The following NETO2 variants were observed in gnomAD, a reference collection of about 807,000 sequenced individuals.
The protein encoded by NETO2 is neuropilin and tolloid like 2.
In NETO2, 28 loss-of-function variants were observed where a neutral mutation model predicts 62.5. The ratio of observed to expected loss-of-function variants is 0.45; its 90% CI spans 0.33 to 0.61. NETO2 has a LOEUF of 0.61. NETO2 is among the 20% of genes least tolerant of loss of function. The probability of loss-of-function intolerance (pLI) is 0.02; values close to 1 mark genes in which losing one functional copy is unlikely to be tolerated. For synonymous variants in NETO2, 214 were observed against 219.1 expected (o/e 0.98, Z 0.21); for missense variants, 548 against 643.2 (o/e 0.85, Z 1.60).
At chr16:47,113,195 T>A (rs1963838475) in intron 6 of NETO2, among the ~76,000 whole-genome samples, 1 of 152,226 alleles carries the variant, frequency 6.6e-6, no homozygotes, top group South Asian at 2.1e-4. Context: ...TGTACCAATT[T>A]ATATACATTT....
Position 47,080,912 on chromosome 16 carries a change from CA to C in NETO2, c.*2308del, listed in dbSNP as rs541550007. The C allele has an allele frequency of 6.6e-6, 1 of 152,014 alleles. No homozygotes were observed. Among genetic ancestry groups the C allele is most frequent in the Non-Finnish European group, 1.5e-5 (1 of 67,950 alleles). 9.4% of individuals were successfully genotyped at this position (152,014 alleles called of 1,614,324 possible). On this transcript the variant is annotated 3_prime_UTR_variant, in exon 9 of 9. Coordinates refer to ENST00000562435, the MANE Select transcript of NETO2 (RefSeq NM_018092.5). ...ACATAAGTTTTTTTACTGTGAAAAGCAAAAAGTGTTTTAGCAGCCAGAAAAT... is the reference window on the plus strand; with the variant it reads ...ACATAAGTTTTTTTACTGTGAAAAGCAAAAGTGTTTTAGCAGCCAGAAAAT...
intron 6 of NETO2, among the ~76,000 whole-genome samples, chr16:47,118,965 T>G (rs1026398640): frequency 2.0e-5 from 3 of 152,160 alleles, no homozygotes; most frequent in Admixed American, 6.5e-5. Context: ...CTTTTATATC[T>G]CTTTTAATCT....
intron 1 of NETO2, among the ~76,000 whole-genome samples, chr16:47,140,327 T>C (rs1964436743): frequency 6.6e-6 from 1 of 152,212 alleles, no homozygotes; most frequent in Non-Finnish European, 1.5e-5. Flanking sequence ...TTTCTAAGTA[T>C]AAATAATTAT....
intron 2 of NETO2, among the ~76,000 whole-genome samples, chr16:47,131,131 T>G (rs1964259241): frequency 6.6e-6 from 1 of 151,550 alleles, no homozygotes; most frequent in Non-Finnish European, 1.5e-5. Context: ...TGACTTAATG[T>G]AAATCCTGAA....
chr16:47,112,938 G>A (rs761753954), intron 6 of NETO2, among the ~76,000 whole-genome samples: 21 of 152,076 alleles, frequency 1.4e-4, no homozygotes, highest in Non-Finnish European at 2.8e-4. Flanking sequence ...ATGTTGTATT[G>A]TTCCATATAT....
At chr16:47,092,898 C>A (rs994621256) in intron 7 of NETO2, among the ~76,000 whole-genome samples, 1 of 152,164 alleles carries the variant, frequency 6.6e-6, no homozygotes, top group African/African-American at 2.4e-5. Flanking sequence ...TTCAGTCAGA[C>A]TCAAAATTGT....
chr16:47,130,457 T>TA (rs994445083), intron 2 of NETO2, among the ~76,000 whole-genome samples: 17 of 146,760 alleles, frequency 1.2e-4, no homozygotes, highest in Admixed American at 2.0e-4. Flanking sequence ...AATAAATAAA[T>TA]AATAATAATA....
At chr16:47,108,386 A>C (rs1963717655) in intron 7 of NETO2, among the ~76,000 whole-genome samples, 1 of 152,184 alleles carries the variant, frequency 6.6e-6, no homozygotes, top group East Asian at 1.9e-4. Context: ...TTAGTGAAGA[A>C]AACTGGCAGA....
chr16:47,096,907 G>T (rs1963437868), intron 7 of NETO2, among the ~76,000 whole-genome samples: 1 of 152,138 alleles, frequency 6.6e-6, no homozygotes, highest in South Asian at 2.1e-4. Context: ...CAGGGTGGAG[G>T]GTCACCTCAC....
chr16:47,139,073 T>C (rs1964414998), intron 1 of NETO2, among the ~76,000 whole-genome samples: 1 of 152,216 alleles, frequency 6.6e-6, no homozygotes, highest in African/African-American at 2.4e-5. Flanking sequence ...TGAGTCTTGT[T>C]GGTTGTCTGT....
chr16:47,090,485 TAGTGCC>T (rs1340881428), intron 7 of NETO2, among the ~76,000 whole-genome samples: 9 of 152,126 alleles, frequency 5.9e-5, no homozygotes, highest in Non-Finnish European at 1.3e-4. Flanking sequence ...ACAGCAAAAA[TAGTGCC>T]AGTTATGAAC....
At chr16:47,095,827 GA>G (rs1963416652) in intron 7 of NETO2, among the ~76,000 whole-genome samples, 1 of 152,042 alleles carries the variant, frequency 6.6e-6, no homozygotes, top group South Asian at 2.1e-4. Flanking sequence ...AACATATACA[GA>G]AAATTCCACC....
At position 47,078,226 on chromosome 16, in the gene NETO2, C is replaced by T. The variant is rs1270268600; in HGVS notation, c.*4995G>A. The T allele has an allele frequency of 3.3e-5, 5 of 152,180 alleles. No individual in the cohort carries two copies. In the East Asian group the frequency reaches 7.7e-4, roughly 23 times the overall value. 9.4% of individuals were successfully genotyped at this position (152,180 alleles called of 1,614,324 possible). A position where few individuals can be genotyped will look rare whatever the true frequency, so the allele number is the denominator to read the frequency against. On this transcript the variant is annotated 3_prime_UTR_variant, in exon 9 of 9. Transcript: ENST00000562435. ...AGTGGATAGGAAATGCCAACTTTGCCCCGGAAGGAAATACAGATTCTGTTG... is the reference window on the plus strand; with the variant it reads ...AGTGGATAGGAAATGCCAACTTTGCTCCGGAAGGAAATACAGATTCTGTTG...
intron 8 of NETO2, among the ~76,000 whole-genome samples, chr16:47,084,030 G>A (rs918468569): frequency 6.6e-6 from 1 of 152,174 alleles, no homozygotes; most frequent in Non-Finnish European, 1.5e-5. Context: ...TTCTTGGTCC[G>A]TTTCTTCAGA....
chr16:47,132,016 A>T lies in NETO2; in HGVS notation c.44T>A (p.Ile15Lys). The change falls in exon 2 of 9, where the codon ATA (isoleucine) becomes AAA (lysine). Residue 15 changes from isoleucine to lysine, a missense_variant. Coordinates refer to ENST00000562435, the MANE Select transcript of NETO2 (RefSeq NM_018092.5). The part of the protein sequence containing the change: ...RLCSVLKVLL[I>K]TVLVVEGIAV... ...AATCCCTTCCACTACCAGTACTGTT[A>T]TTAACAACACTAGAGAAATAACAGA... is the stretch of plus-strand genomic sequence containing the variant. The T allele has an allele frequency of 6.2e-7, 1 of 1,611,932 alleles. No individual in the cohort carries two copies. Among genetic ancestry groups the T allele is most frequent in the South Asian group, 1.1e-5 (1 of 90,982 alleles).
chr16:47,111,646 T>C (rs1963803894), intron 6 of NETO2, among the ~76,000 whole-genome samples: 1 of 152,190 alleles, frequency 6.6e-6, no homozygotes, highest in African/African-American at 2.4e-5. Flanking sequence ...GCAAGTTACC[T>C]GGATGGTGGG....
Position 47,131,987 on chromosome 16 carries a change from C to T in NETO2, c.73G>A (p.Val25Met), listed in dbSNP as rs766128670. ...ACTTTACCTTGGGTTTTTTGGGCCA[C>T]GGCAATCCCTTCCACTACCAGTACT... ...ITVLVVEGIAVAQKTQDGQNI... is the reference protein window; with the variant it reads ...ITVLVVEGIAMAQKTQDGQNI... Residue 25 changes from valine to methionine, a missense_variant, in exon 2 of 9, where the codon GTG (valine) becomes ATG (methionine). Transcript: ENST00000562435. 5.6e-6 allele frequency: 9 copies of T among 1,612,328 alleles called. No individual in the cohort carries two copies. The highest frequency in any genetic ancestry group is 1.6e-4 in the Middle Eastern group (1 of 6,072).
chr16:47,128,656 A>T (rs1964205772), intron 3 of NETO2, 83 bp from the exon 4 acceptor site: 1 of 1,464,562 alleles, frequency 6.8e-7, no homozygotes, highest in South Asian at 1.3e-5. Context: ...AAAGCAGAAT[A>T]ACTGTTCTGC....
At chr16:47,088,105 T>C (rs551275191) in intron 7 of NETO2, among the ~76,000 whole-genome samples, 5 of 152,268 alleles carry the variant, frequency 3.3e-5, no homozygotes, top group African/African-American at 1.2e-4. Context: ...CTTAGCAATT[T>C]TTTTTTCTTT....
Sources: gnomAD v4.1 joint callset for allele counts (sites outside exome capture counted in the v4.1 genomes callset) on GRCh38, gnomAD v4.1.1 for gene constraint, MANE v1.5 for transcripts, NCBI Gene and HGNC (gene_info 2026-07-23, HGNC 2026-07-21) for gene names.